ARHGAP24: variants seen among roughly 807,000 people sequenced by gnomAD.
ARHGAP24 encodes Rho GTPase activating protein 24.
ARHGAP24 carries 50 observed loss-of-function variants against 76.4 expected under a neutral mutation model. The observed-to-expected ratio is 0.65, with a 90% CI of 0.52 to 0.83. ARHGAP24 has a LOEUF of 0.83. Ranked by LOEUF, ARHGAP24 falls within the 40% of genes least tolerant of loss-of-function variation. ARHGAP24 has a pLI of 0.00. For missense variants in ARHGAP24, 930 were observed against 914.2 expected (o/e 1.02, Z -0.22); for synonymous variants, 345 against 323.3 (o/e 1.07, Z -0.72).
intron 2 of ARHGAP24, among the ~76,000 whole-genome samples, chr4:85,685,482 A>T (rs112214878): frequency 0.05 from 7,632 of 152,084 alleles, 613 homozygotes; most frequent in African/African-American, 0.18. Context: ...AATACAAAAA[A>T]ATTAGCTGGG....
At chr4:85,955,897 G>A (rs1737877039) in intron 5 of ARHGAP24, among the ~76,000 whole-genome samples, 2 of 152,128 alleles carry the variant, frequency 1.3e-5, no homozygotes, top group African/African-American at 4.8e-5. Flanking sequence ...CTGCTGAATA[G>A]GGCCTGAAGT....
chr4:85,643,768 G>C (rs1379266095), intron 2 of ARHGAP24, among the ~76,000 whole-genome samples: 1 of 152,014 alleles, frequency 6.6e-6, no homozygotes, highest in Non-Finnish European at 1.5e-5. Context: ...TTGGTTTTCA[G>C]CAAAAATTTG....
chr4:85,660,191 A>G (rs941384123), intron 2 of ARHGAP24, among the ~76,000 whole-genome samples: 7 of 152,206 alleles, frequency 4.6e-5, no homozygotes, highest in Non-Finnish European at 1.0e-4. Flanking sequence ...CCTATATTGA[A>G]GGAGCCAATC....
At chr4:85,673,929 T>A (rs1722890433) in intron 2 of ARHGAP24, among the ~76,000 whole-genome samples, 1 of 152,070 alleles carries the variant, frequency 6.6e-6, no homozygotes, top group Admixed American at 6.6e-5. Flanking sequence ...GCGTAGCTTG[T>A]ATTTAATGGA....
chr4:85,931,471 C>T (rs1453960504), intron 4 of ARHGAP24, among the ~76,000 whole-genome samples: 1 of 152,190 alleles, frequency 6.6e-6, no homozygotes, highest in African/African-American at 2.4e-5. Flanking sequence ...CCTGTGCTTG[C>T]CTCACCTCCC....
At chr4:85,621,219 T>C (rs1168825349) in intron 2 of ARHGAP24, among the ~76,000 whole-genome samples, 2 of 152,108 alleles carry the variant, frequency 1.3e-5, no homozygotes, top group Admixed American at 1.3e-4. Context: ...TGAATAGTTC[T>C]GTGATAAACA....
At chr4:85,639,385 A>G (rs1045111309) in intron 2 of ARHGAP24, among the ~76,000 whole-genome samples, 1 of 152,130 alleles carries the variant, frequency 6.6e-6, no homozygotes, top group Admixed American at 6.6e-5. Flanking sequence ...ATTTATAAAA[A>G]AATCATTCAG....
At chr4:85,629,974 A>G (rs1721105666) in intron 2 of ARHGAP24, among the ~76,000 whole-genome samples, 1 of 151,890 alleles carries the variant, frequency 6.6e-6, no homozygotes, top group Non-Finnish European at 1.5e-5. Flanking sequence ...CATAATGTGT[A>G]TATTGGTTCC....
At chr4:85,764,170 A>G (rs1038019501) in intron 3 of ARHGAP24, among the ~76,000 whole-genome samples, 6 of 152,044 alleles carry the variant, frequency 3.9e-5, no homozygotes, top group Admixed American at 3.3e-4. Context: ...CCACCAAGAA[A>G]TCTCTAAGCC....
chr4:85,648,401 A>C (rs1721806684), intron 2 of ARHGAP24, among the ~76,000 whole-genome samples: 1 of 152,150 alleles, frequency 6.6e-6, no homozygotes, highest in African/African-American at 2.4e-5. Context: ...TCAGTTACTT[A>C]AAACTAGTTT....
At chr4:85,808,245 A>T (rs1176435514) in intron 3 of ARHGAP24, among the ~76,000 whole-genome samples, 2 of 152,238 alleles carry the variant, frequency 1.3e-5, no homozygotes, top group Non-Finnish European at 2.9e-5. Flanking sequence ...AGGGATTATA[A>T]GCAGGCATTT....
Position 85,995,308 on chromosome 4 carries a change from A to G in ARHGAP24, c.1654A>G (p.Ser552Gly), listed in dbSNP as rs1455803200. Residue 552 changes from serine (S) to glycine (G), a missense_variant, in exon 9 of 10, where the codon AGT becomes GGT. Ser to Gly is a moderately conservative substitution (Grantham distance 56, BLOSUM62 0). Coordinates refer to ENST00000395184, the MANE Select transcript of ARHGAP24 (RefSeq NM_001025616.3). ...CCTTGATGACAAGCAGAGCATTGAC[A>G]GTGCTACCTGGTCCACTTCCTCCTG... ...MNLDDKQSID[S>G]ATWSTSSCEI... 6.2e-7 allele frequency: 1 copy of G among 1,613,930 alleles called. No homozygotes were observed. The highest frequency in any genetic ancestry group is 8.5e-7 in the Non-Finnish European group (1 of 1,180,018).
rs1726512976 is a variant in ARHGAP24 at position 85,559,478 on chromosome 4, A to G, written c.-20-11044A>G. 1.3e-5 allele frequency among the ~76,000 whole-genome samples: 2 copies of G among 152,236 alleles called. 1 individual carries two copies. The highest frequency in any genetic ancestry group is 1.3e-4 in the Admixed American group (2 of 15,284). On this transcript the variant is annotated intron_variant, in intron 1 of 9. Coordinates refer to ENST00000395184, the MANE Select transcript of ARHGAP24 (RefSeq NM_001025616.3). ...CAATACATTGTTATAGTCATGTTAT[A>G]CAATAGACCTCTTGAACATTTTCCT... is the stretch of plus-strand genomic sequence containing the variant.
At chr4:85,799,875 G>A (rs1175164721) in intron 3 of ARHGAP24, among the ~76,000 whole-genome samples, 6 of 152,100 alleles carry the variant, frequency 3.9e-5, no homozygotes, top group Admixed American at 2.0e-4. Flanking sequence ...ACCTCAATCT[G>A]ATGATGAGAA....
intron 6 of ARHGAP24, among the ~76,000 whole-genome samples, chr4:85,974,675 C>T (rs900697297): frequency 1.3e-5 from 2 of 152,156 alleles, no homozygotes; most frequent in East Asian, 3.8e-4. Flanking sequence ...TGTTTCTCCA[C>T]AAATAGTACT....
chr4:85,651,195 C>T (rs1721929064), intron 2 of ARHGAP24, among the ~76,000 whole-genome samples: 1 of 149,018 alleles, frequency 6.7e-6, no homozygotes, highest in Non-Finnish European at 1.5e-5. Context: ...CATGTAGGGG[C>T]TTGTATGTCT....
chr4:85,740,716 G>A (rs1339461101), intron 3 of ARHGAP24, among the ~76,000 whole-genome samples: 1 of 152,086 alleles, frequency 6.6e-6, no homozygotes, highest in Non-Finnish European at 1.5e-5. Context: ...TCCTTCGTGT[G>A]AGTGGAAGAT....
intron 2 of ARHGAP24, among the ~76,000 whole-genome samples, chr4:85,617,864 A>G (rs1287970893): frequency 2.0e-5 from 3 of 152,158 alleles, no homozygotes; most frequent in African/African-American, 7.2e-5. Context: ...TAGTTGAGAA[A>G]CAAAAATTCT....
chr4:85,729,755 T>G (rs1725324257), intron 3 of ARHGAP24, among the ~76,000 whole-genome samples: 1 of 152,176 alleles, frequency 6.6e-6, no homozygotes, highest in South Asian at 2.1e-4. Context: ...TCAATAAAAT[T>G]TACTTATGGT....
Sources: allele counts gnomAD v4.1 joint callset (sites outside exome capture counted in the v4.1 genomes callset), GRCh38; gene constraint gnomAD v4.1.1; transcripts MANE v1.5; gene names NCBI Gene and HGNC (gene_info 2026-07-23, HGNC 2026-07-21).